Variants in SSPN observed in about 807,000 individuals in gnomAD.
SSPN encodes the protein sarcospan.
In SSPN, 15 loss-of-function variants were observed where a neutral mutation model predicts 19.1. The observed-to-expected ratio is 0.78, with a 90% CI of 0.52 to 1.21. The LOEUF is 1.21. SSPN is among the 50% of genes most tolerant of loss of function. SSPN has a pLI of 0.00. For synonymous variants in SSPN, 147 were observed against 140.3 expected (o/e 1.05, Z -0.34); for missense variants, 291 against 314.0 (o/e 0.93, Z 0.55).
At chr12:26,161,424 A>C (rs934996113) in intron 1 of SSPN, among the ~76,000 whole-genome samples, 2 of 151,960 alleles carry the variant, frequency 1.3e-5, no homozygotes, top group Non-Finnish European at 2.9e-5. Flanking sequence ...CATCTCTTCA[A>C]GTCTTTGCTC....
intron 1 of SSPN, chr12:26,135,014 G>T (rs933344861): frequency 2.6e-5 from 4 of 152,284 alleles, no homozygotes; most frequent in African/African-American, 9.7e-5. Flanking sequence ...AGTAAGCTCT[G>T]CTCCCTAGCA....
chr12:26,218,752 T>G (rs1945087657), intron 1 of SSPN, among the ~76,000 whole-genome samples: 1 of 152,248 alleles, frequency 6.6e-6, no homozygotes, highest in South Asian at 2.1e-4. Context: ...GCATGTCATT[T>G]AATTTTCTGG....
intron 1 of SSPN, among the ~76,000 whole-genome samples, chr12:26,212,186 TAC>T (rs1204566237): frequency 6.6e-6 from 1 of 152,236 alleles, no homozygotes; most frequent in East Asian, 1.9e-4. Flanking sequence ...TATTTTTGTT[TAC>T]TTTGAATGTC....
chr12:26,137,654 ATATTTTTTTTTTTT>A lies in SSPN; in HGVS notation c.-31+15504_-31+15517del, dbSNP rs1389794432. 2.5e-3 allele frequency among the ~76,000 whole-genome samples: 140 copies of A among 55,034 alleles called. 5 individuals carry two copies. Among genetic ancestry groups the A allele is most frequent in the African/African-American group, 0.012 (132 of 10,830 alleles). The allele number at this position is 55,034 out of a possible 152,430, so 36.1% of individuals were successfully genotyped here. On this transcript the variant is annotated intron_variant, in intron 1 of 2. Coordinates refer to the SSPN transcript ENST00000538142. The stretch of plus-strand genomic sequence containing the variant: ...TGTGTATGTATATATATATATATAT[ATATTTTTTTTTTTT>A]TTTTTTTTTTTTTTGAGATGGAGTC...
intron 1 of SSPN, among the ~76,000 whole-genome samples, chr12:26,151,777 A>G (rs1944526974): frequency 6.6e-6 from 1 of 152,196 alleles, no homozygotes; most frequent in Admixed American, 6.5e-5. Flanking sequence ...ACTATGCCAC[A>G]TGTGGAGAAA....
Position 26,224,518 on chromosome 12 carries a change from A to G in SSPN, c.366+139A>G, listed in dbSNP as rs139711329. 3.8e-4 allele frequency: 270 copies of G among 708,558 alleles called. 2 individuals carry two copies. The highest frequency in any genetic ancestry group is 3.2e-3 in the South Asian group (194 of 59,854). 43.9% of individuals were successfully genotyped at this position (708,558 alleles called of 1,614,324 possible). On this transcript the variant is annotated intron_variant, in intron 2 of 2. Transcript: ENST00000242729. Reference sequence around the variant, plus strand: ...TTTAGGCAGGCCAAAAAATGTTTTAAGAGGGCATTGATCCAGACCTCAAAG... The same window carrying G: ...TTTAGGCAGGCCAAAAAATGTTTTAGGAGGGCATTGATCCAGACCTCAAAG...
upstream of SSPN, chr12:26,195,456 C>T (rs1944817209): frequency 2.4e-6 from 2 of 830,470 alleles, no homozygotes; most frequent in African/African-American, 1.8e-5. Flanking sequence ...GGCGCTGCGT[C>T]CCGGCGCGTT....
At chr12:26,178,336 G>A (rs1944697405) in intron 1 of SSPN, among the ~76,000 whole-genome samples, 1 of 151,550 alleles carries the variant, frequency 6.6e-6, no homozygotes, top group South Asian at 2.1e-4. Context: ...GTTATTATAA[G>A]GACTAAATGT....
intron 1 of SSPN, chr12:26,180,556 C>CCTTAA (rs1217754241): frequency 6.6e-6 from 1 of 152,194 alleles, no homozygotes; most frequent in African/African-American, 2.4e-5. Flanking sequence ...GATTTCTCCC[C>CCTTAA]CTTAACTGTC....
intron 1 of SSPN, among the ~76,000 whole-genome samples, chr12:26,131,294 C>G (rs2343073): frequency 0.98 from 149,264 of 152,342 alleles, 73,186 homozygotes; most frequent in East Asian, 1. Flanking sequence ...GTAGAAATCT[C>G]CTTAGGGAGG....
intron 1 of SSPN, chr12:26,180,461 C>G (rs716442): frequency 1.3e-5 from 2 of 152,182 alleles, no homozygotes; most frequent in African/African-American, 4.8e-5. Flanking sequence ...CTCCACACCA[C>G]TCCAAAAAGC....
At chr12:26,163,626 A>G (rs1234308361) in intron 1 of SSPN, among the ~76,000 whole-genome samples, 1 of 152,202 alleles carries the variant, frequency 6.6e-6, no homozygotes, top group African/African-American at 2.4e-5. Context: ...AGCCTCCTTT[A>G]AAAGGACATT....
Sources: gnomAD v4.1 joint callset for allele counts (sites outside exome capture counted in the v4.1 genomes callset) on GRCh38, gnomAD v4.1.1 for gene constraint, MANE v1.5 for transcripts, NCBI Gene and HGNC (gene_info 2026-07-23, HGNC 2026-07-21) for gene names.